CDH4: variants seen among roughly 807,000 people sequenced by gnomAD.
CDH4 encodes the protein cadherin 4.
Under a neutral mutation model 86.0 loss-of-function variants are expected in CDH4, and 33 were observed. The ratio of observed to expected loss-of-function variants is 0.38; its 90% CI spans 0.29 to 0.51. The LOEUF (loss-of-function observed/expected upper bound fraction) is 0.51. Among genes scored for constraint, CDH4 ranks in the 20% least tolerant of loss-of-function variants. The pLI, the probability that CDH4 is intolerant of heterozygous loss-of-function variation, is 0.86. For missense variants in CDH4, 1,114 were observed against 1,307.4 expected, an observed-to-expected ratio of 0.85 and a Z score of 2.28; for synonymous variants, 555 against 549.4, an observed-to-expected ratio of 1.01 and a Z score of -0.14.
At chr20:61,376,504 G>T (rs143188209) in intron 2 of CDH4, among the ~76,000 whole-genome samples, 2,438 of 152,268 alleles carry the variant, frequency 0.016, 26 homozygotes, top group Middle Eastern at 0.037. Flanking sequence ...AGCAGGGACT[G>T]AGAGGGACAT....
intron 2 of CDH4, among the ~76,000 whole-genome samples, chr20:61,685,063 G>A (rs895751945): frequency 3.3e-5 from 5 of 152,076 alleles, no homozygotes; most frequent in Admixed American, 6.5e-5. Context: ...GGGAAACCCC[G>A]TACCCATAAG....
intron 4 of CDH4, among the ~76,000 whole-genome samples, chr20:61,812,062 C>G (rs145439313): frequency 1.9e-4 from 29 of 152,208 alleles, no homozygotes; most frequent in African/African-American, 7.0e-4. Context: ...CCTGTTTCTC[C>G]CCCGCTGCGG....
At chr20:61,893,231 C>G (rs59046020) in intron 7 of CDH4, among the ~76,000 whole-genome samples, 30,778 of 36,346 alleles carry the variant, frequency 0.85, 15,015 homozygotes, top group Non-Finnish European at 0.88. Context: ...GGATGGGTGA[C>G]CACAGGGATG....
Position 61,928,243 on chromosome 20 carries a change from AACG to A in CDH4, c.1828_1830del (p.Asp610del). On this transcript the variant is annotated inframe_deletion, in exon 12 of 16. Transcript: ENST00000614565. ...CCTCCAGATCTATCTCATTGACATCAACGACAACGCCCCTGAGCTGCTGCCCAA... is the reference window on the plus strand; with the variant it reads ...CCTCCAGATCTATCTCATTGACATCAACAACGCCCCTGAGCTGCTGCCCAA... 1 of 1,606,584 alleles carries A rather than the reference AACG, an allele frequency of 6.2e-7. No individual in the cohort carries two copies. The highest frequency in any genetic ancestry group is 8.5e-7 in the Non-Finnish European group (1 of 1,179,964).
rs546397261 is a variant in CDH4 at position 61,713,134 on chromosome 20, G to C, written c.170-30429G>C. Among the ~76,000 whole-genome samples the C allele has an allele frequency of 1.2e-3, 189 of 152,292 alleles. 1 individual carries two copies. Among genetic ancestry groups the C allele is most frequent in the Non-Finnish European group, 3.1e-4 (21 of 68,030 alleles). On this transcript the variant is annotated intron_variant, in intron 2 of 15. Transcript: ENST00000614565. ...GCCTTATCCCTCCTCTCTCTGGGCA[G>C]ATGTGCAAAATATGCAAAAATAAGT...
intron 2 of CDH4, among the ~76,000 whole-genome samples, chr20:61,542,418 G>C (rs944324534): frequency 6.6e-6 from 1 of 152,082 alleles, no homozygotes; most frequent in Non-Finnish European, 1.5e-5. Flanking sequence ...TGGCATGTTC[G>C]TTTAGATCCT....
At chr20:61,426,931 T>C (rs377446721) in intron 2 of CDH4, among the ~76,000 whole-genome samples, 1 of 152,246 alleles carries the variant, frequency 6.6e-6, no homozygotes, top group African/African-American at 2.4e-5. Context: ...CTGGGCTAAT[T>C]GTTAGTAATT....
chr20:61,801,182 G>A (rs967769318), intron 4 of CDH4, among the ~76,000 whole-genome samples: 1 of 152,196 alleles, frequency 6.6e-6, no homozygotes, highest in Non-Finnish European at 1.5e-5. Context: ...AAAAGGCATG[G>A]ACAGCAGCAC....
intron 2 of CDH4, among the ~76,000 whole-genome samples, chr20:61,607,756 T>C (rs1434573210): frequency 1.3e-5 from 2 of 152,206 alleles, no homozygotes; most frequent in East Asian, 3.8e-4. Context: ...GCCCAAGTTG[T>C]TGCTGGATGA....
rs374846177 is a variant in CDH4, at chr20:61,505,928, G to T, written c.170-237635G>T. 6.1e-4 allele frequency among the ~76,000 whole-genome samples: 93 copies of T among 152,308 alleles called. 1 individual carries two copies. Among genetic ancestry groups the T allele is most frequent in the African/African-American group, 2.1e-3 (88 of 41,562 alleles). ...AAATCTCTATTGATGTGTTGAGAAA[G>T]GAACTCAGACATGCAGGAATCTGCC... On this transcript the variant is annotated intron_variant, in intron 2 of 15. Coordinates refer to ENST00000614565, the MANE Select transcript of CDH4 (RefSeq NM_001794.5).
At chr20:61,271,570 A>C (rs1441578177) in intron 2 of CDH4, among the ~76,000 whole-genome samples, 1 of 152,212 alleles carries the variant, frequency 6.6e-6, no homozygotes, top group African/African-American at 2.4e-5. Context: ...CTACAACGTG[A>C]GGCCCCGGCC....
chr20:61,725,665 C>G (rs763523371), intron 2 of CDH4, among the ~76,000 whole-genome samples: 9 of 152,098 alleles, frequency 5.9e-5, no homozygotes, highest in Non-Finnish European at 1.0e-4. Flanking sequence ...GAAACCAACC[C>G]TGGACGCCCG....
intron 2 of CDH4, among the ~76,000 whole-genome samples, chr20:61,619,954 C>T (rs1407377284): frequency 1.3e-5 from 2 of 152,214 alleles, no homozygotes; most frequent in East Asian, 1.9e-4. Context: ...GCCTCCATGA[C>T]GCTTGTTCTG....
rs1281087765 is a variant in CDH4, at chr20:61,647,542, T to TCTCTCTCTCTCTCC, written c.170-96018_170-96017insTCTCTCTCTCCCTC. Among the ~76,000 whole-genome samples the TCTCTCTCTCTCTCC allele has an allele frequency of 1.8e-5, 2 of 108,224 alleles. 1 individual carries two copies. Among genetic ancestry groups the TCTCTCTCTCTCTCC allele is most frequent in the Admixed American group, 1.8e-4 (2 of 11,108 alleles). 71.0% of individuals were successfully genotyped at this position (108,224 alleles called of 152,430 possible). On this transcript the variant is annotated intron_variant, in intron 2 of 15. Coordinates refer to ENST00000614565, the MANE Select transcript of CDH4 (RefSeq NM_001794.5). ...CACACATATTCTCTCTCCCTCTCCCTCTCCCTCTCCCTCTCCCTCTCCCTC... is the reference window on the plus strand; with the variant it reads ...CACACATATTCTCTCTCCCTCTCCCTCTCTCTCTCTCTCCCTCCCTCTCCCTCTCCCTCTCCCTC...
At chr20:61,820,849 G>GC (rs1980984767) in intron 4 of CDH4, among the ~76,000 whole-genome samples, 1 of 152,102 alleles carries the variant, frequency 6.6e-6, no homozygotes, top group South Asian at 2.1e-4. Flanking sequence ...GGGAGGCTGT[G>GC]CCCCCTTCAG....
intron 2 of CDH4, among the ~76,000 whole-genome samples, chr20:61,672,059 G>A (rs921778486): frequency 7.1e-6 from 1 of 140,228 alleles, no homozygotes; most frequent in African/African-American, 2.6e-5. Context: ...ATAAATAGAT[G>A]GATGGATGAG....
At chr20:61,453,698 C>T (rs537958484) in intron 2 of CDH4, among the ~76,000 whole-genome samples, 2 of 152,230 alleles carry the variant, frequency 1.3e-5, no homozygotes, top group Non-Finnish European at 2.9e-5. Context: ...TCTTTCTTTG[C>T]GGAATTATAA....
At chr20:61,335,570 C>T (rs2084612474) in intron 2 of CDH4, among the ~76,000 whole-genome samples, 1 of 152,202 alleles carries the variant, frequency 6.6e-6, no homozygotes, top group Non-Finnish European at 1.5e-5. Flanking sequence ...TAACACATTT[C>T]TCTGAATCTC....
intron 3 of CDH4, among the ~76,000 whole-genome samples, chr20:61,764,189 TC>T (rs1372305087): frequency 5.3e-5 from 8 of 152,154 alleles, no homozygotes; most frequent in African/African-American, 1.9e-4. Context: ...CAGGGCAGAA[TC>T]CGGCCCTGGG....
Sources: allele counts gnomAD v4.1 joint callset (sites outside exome capture counted in the v4.1 genomes callset), GRCh38; gene constraint gnomAD v4.1.1; transcripts MANE v1.5; gene names NCBI Gene and HGNC (gene_info 2026-07-23, HGNC 2026-07-21).